CELF4: variants seen among roughly 807,000 people sequenced by gnomAD.
CELF4 encodes the protein CUGBP Elav-like family member 4.
CELF4 carries 18 observed loss-of-function variants against 59.9 expected under a neutral mutation model. The ratio of observed to expected loss-of-function variants is 0.30; its 90% CI spans 0.21 to 0.45. The LOEUF (loss-of-function observed/expected upper bound fraction) is 0.45. Among genes scored for constraint, CELF4 ranks in the 20% least tolerant of loss-of-function variants. The pLI, the probability that CELF4 is intolerant of heterozygous loss-of-function variation, is 1.00. For synonymous variants in CELF4, 261 were observed against 267.1 expected, an observed-to-expected ratio of 0.98 and a Z score of 0.22; for missense variants, 456 against 689.0, an observed-to-expected ratio of 0.66 and a Z score of 3.79.
At chr18:37,507,735 C>A (rs11082009) in intron 1 of CELF4, among the ~76,000 whole-genome samples, 1 of 152,078 alleles carries the variant, frequency 6.6e-6, no homozygotes, top group African/African-American at 2.4e-5. Context: ...GGAATCACAG[C>A]GGCTCCCACT....
At chr18:37,438,434 T>C (rs529808473) in intron 2 of CELF4, among the ~76,000 whole-genome samples, 23 of 152,234 alleles carry the variant, frequency 1.5e-4, no homozygotes, top group African/African-American at 5.3e-4. Flanking sequence ...ATAGAGTAGA[T>C]ACAGTTTAAG....
At chr18:37,509,142 T>C (rs1353170523) in intron 1 of CELF4, among the ~76,000 whole-genome samples, 2 of 109,204 alleles carry the variant, frequency 1.8e-5, no homozygotes, top group Admixed American at 9.5e-5. Context: ...AAAATTAATT[T>C]AATGGAAGAA....
At position 37,300,119 on chromosome 18, in the gene CELF4, T is replaced by C. The variant is rs530535588; in HGVS notation, c.448+21684A>G. ...GCCTTCACTTCTGACCCTGGACACC[T>C]GGCCTGGGGGCCCCATTCACATAAT... On this transcript the variant is annotated intron_variant, in intron 3 of 12. Transcript: ENST00000420428. 1.2e-4 allele frequency among the ~76,000 whole-genome samples: 18 copies of C among 152,328 alleles called. 1 individual carries two copies. In the East Asian group the frequency reaches 2.5e-3, roughly 21 times the overall value.
At chr18:37,449,389 G>T (rs528279335) in intron 2 of CELF4, among the ~76,000 whole-genome samples, 1 of 152,260 alleles carries the variant, frequency 6.6e-6, no homozygotes, top group Admixed American at 6.5e-5. Flanking sequence ...GACAGTGCTG[G>T]GAGCTTGATC....
In CELF4 at chr18:37,253,539, C is replaced by T. The variant is rs1021136826; in HGVS notation, c.*44+228G>A. 1.3e-5 allele frequency among the ~76,000 whole-genome samples: 2 copies of T among 152,214 alleles called. No individual in the cohort carries two copies. The highest frequency in any genetic ancestry group is 2.9e-5 in the Non-Finnish European group (2 of 68,042). On this transcript the variant is annotated intron_variant, in intron 12 of 12. Transcript: ENST00000420428. The surrounding 1 kb of genome is among the most constrained non-coding windows in gnomAD (Gnocchi z 4.5). ...CCTCACCCGCCCGGAGTGGCTCCCT[C>T]ACTCCTGCCCCTGGTGGCCCTGCCA...
chr18:37,501,429 G>T (rs1569569677), intron 1 of CELF4, among the ~76,000 whole-genome samples: 2 of 152,250 alleles, frequency 1.3e-5, no homozygotes, highest in African/African-American at 4.8e-5. Context: ...TCTGGGGCCT[G>T]CGGGTCTCCA....
intron 2 of CELF4, among the ~76,000 whole-genome samples, chr18:37,330,291 A>G (rs1247013407): frequency 6.6e-6 from 1 of 152,282 alleles, no homozygotes; most frequent in South Asian, 2.1e-4. Flanking sequence ...GTTGAATTCC[A>G]GGGGCTGTGC....
chr18:37,530,633 G>A (rs2099968587), intron 1 of CELF4, among the ~76,000 whole-genome samples: 1 of 152,082 alleles, frequency 6.6e-6, no homozygotes, highest in Non-Finnish European at 1.5e-5. Context: ...GATGGGGTAG[G>A]GGTCACATTT....
chr18:37,362,437 G>C (rs903372043), intron 2 of CELF4, among the ~76,000 whole-genome samples: 2 of 152,188 alleles, frequency 1.3e-5, no homozygotes, highest in East Asian at 3.9e-4. Flanking sequence ...GTTAGCTCCA[G>C]GCATGGGGCT....
intron 2 of CELF4, among the ~76,000 whole-genome samples, chr18:37,377,162 G>A (rs921712532): frequency 1.6e-4 from 25 of 152,248 alleles, no homozygotes; most frequent in African/African-American, 3.9e-4. Context: ...AGAAGGGAGC[G>A]GCCAGGGAAA....
intron 1 of CELF4, among the ~76,000 whole-genome samples, chr18:37,511,787 G>A (rs2099944636): frequency 6.6e-6 from 1 of 151,926 alleles, no homozygotes; most frequent in African/African-American, 2.4e-5. Context: ...TAAAGCTGGA[G>A]GGAATACAAC....
At chr18:37,356,686 T>A (rs1261466862) in intron 2 of CELF4, among the ~76,000 whole-genome samples, 1 of 152,234 alleles carries the variant, frequency 6.6e-6, no homozygotes, top group Non-Finnish European at 1.5e-5. Context: ...TGACATCTGC[T>A]TTTGGCCACA....
At chr18:37,501,537 G>T (rs2099931875) in intron 1 of CELF4, among the ~76,000 whole-genome samples, 1 of 152,238 alleles carries the variant, frequency 6.6e-6, no homozygotes, top group Non-Finnish European at 1.5e-5. Context: ...CTGACCTCAG[G>T]GGCATCCTGC....
chr18:37,384,475 G>A (rs1012730028), intron 2 of CELF4, among the ~76,000 whole-genome samples: 5 of 151,972 alleles, frequency 3.3e-5, no homozygotes, highest in African/African-American at 7.2e-5. Context: ...AGACAGGGGC[G>A]GGCAGGGACT....
At chr18:37,323,433 G>A (rs1486055083) in intron 2 of CELF4, among the ~76,000 whole-genome samples, 1 of 152,204 alleles carries the variant, frequency 6.6e-6, no homozygotes, top group Non-Finnish European at 1.5e-5. Flanking sequence ...AAGGAGGAAC[G>A]TAATGAAGTT....
At chr18:37,565,271 G>A in intron 1 of CELF4, 85 bp downstream of exon 1, 1 of 1,430,014 alleles carries the variant, frequency 7.0e-7, no homozygotes, top group Non-Finnish European at 9.4e-7. Context: ...CGCTTAGTCC[G>A]CCGCTCGTCA....
At chr18:37,543,277 C>T (rs1047587759) in intron 1 of CELF4, among the ~76,000 whole-genome samples, 3 of 152,164 alleles carry the variant, frequency 2.0e-5, no homozygotes, top group Non-Finnish European at 4.4e-5. Flanking sequence ...GTGACTTACT[C>T]AAAGGAGTTC....
At chr18:37,541,703 T>G (rs1305570853) in intron 1 of CELF4, among the ~76,000 whole-genome samples, 1 of 151,888 alleles carries the variant, frequency 6.6e-6, no homozygotes, top group Admixed American at 6.6e-5. Flanking sequence ...CTGCTCTTCC[T>G]CCTGTCTCTT....
At chr18:37,506,485 G>C (rs1182369910) in intron 1 of CELF4, among the ~76,000 whole-genome samples, 4 of 152,164 alleles carry the variant, frequency 2.6e-5, no homozygotes, top group African/African-American at 9.7e-5. Context: ...GTGACCTCAT[G>C]GGCACAGAGG....
Sources: allele counts gnomAD v4.1 joint callset (sites outside exome capture counted in the v4.1 genomes callset), GRCh38; gene constraint gnomAD v4.1.1; non-coding constraint Gnocchi (gnomAD v3.1); transcripts MANE v1.5; gene names NCBI Gene and HGNC (gene_info 2026-07-23, HGNC 2026-07-21).